The following TMEM135 variants were observed in gnomAD, a reference collection of about 807,000 sequenced individuals.
TMEM135 encodes peroxisomal membrane protein 52.
In TMEM135, 30 loss-of-function variants were observed where a neutral mutation model predicts 60.3. The observed-to-expected ratio is 0.50, with a 90% CI of 0.37 to 0.68. TMEM135 has a LOEUF of 0.68. TMEM135 is among the 30% of genes least tolerant of loss of function. The probability of loss-of-function intolerance (pLI) is 0.00; values close to 1 mark genes in which losing one functional copy is unlikely to be tolerated. For synonymous variants in TMEM135, 190 were observed against 186.7 expected, an observed-to-expected ratio of 1.02 and a Z score of -0.14; for missense variants, 468 against 548.8, an observed-to-expected ratio of 0.85 and a Z score of 1.47.
chr11:87,088,300 C>G (rs191543288), intron 3 of TMEM135, among the ~76,000 whole-genome samples: 1 of 152,140 alleles, frequency 6.6e-6, no homozygotes. Context: ...CCCTTCCAGT[C>G]AAAGCCTTGG....
At chr11:87,162,316 C>A (rs1272410323) in intron 5 of TMEM135, among the ~76,000 whole-genome samples, 1 of 151,918 alleles carries the variant, frequency 6.6e-6, no homozygotes, top group African/African-American at 2.4e-5. Flanking sequence ...TAGTTTGATG[C>A]ACCCATCAAC....
intron 4 of TMEM135, among the ~76,000 whole-genome samples, chr11:87,092,700 A>G (rs1857235530): frequency 2.5e-5 from 3 of 120,542 alleles, no homozygotes; most frequent in South Asian, 5.3e-4. Context: ...TAGAGATTTG[A>G]TAAATATTTG....
Position 87,222,533 on chromosome 11 carries a change from G to A in TMEM135, c.463-14105G>A, listed in dbSNP as rs1368740318. Among the ~76,000 whole-genome samples the A allele has an allele frequency of 1.8e-4, 27 of 151,806 alleles. 1 individual carries two copies. The highest frequency in any genetic ancestry group is 5.8e-4 in the African/African-American group (24 of 41,338). ...AAAAATAATTACTGGGCCGAGCGTGGTGGCCCACGCCTCTTATCCCAGCAC... is the reference window on the plus strand; with the variant it reads ...AAAAATAATTACTGGGCCGAGCGTGATGGCCCACGCCTCTTATCCCAGCAC... On this transcript the variant is annotated intron_variant, in intron 5 of 14. Transcript: ENST00000305494.
chr11:87,071,275 G>A (rs972746854), intron 2 of TMEM135, among the ~76,000 whole-genome samples: 1 of 152,180 alleles, frequency 6.6e-6, no homozygotes, highest in Non-Finnish European at 1.5e-5. Context: ...AAACAAAGTT[G>A]AGGATGACGC....
At chr11:87,314,954 A>G (rs558293907) in intron 12 of TMEM135, among the ~76,000 whole-genome samples, 1 of 152,004 alleles carries the variant, frequency 6.6e-6, no homozygotes, top group African/African-American at 2.4e-5. Context: ...CAAATCAACA[A>G]TACCACAGTA....
At chr11:87,309,452 C>G (rs1224073219) in intron 9 of TMEM135, 53 bp from the exon 10 acceptor site, 13 of 1,599,324 alleles carry the variant, frequency 8.1e-6, no homozygotes, top group African/African-American at 2.7e-5. Flanking sequence ...CGTATTCTAT[C>G]AAAAACTTCA....
intron 4 of TMEM135, among the ~76,000 whole-genome samples, chr11:87,127,666 C>A (rs1937774689): frequency 6.6e-6 from 1 of 152,176 alleles, no homozygotes; most frequent in Non-Finnish European, 1.5e-5. Context: ...CAGTTAAAGA[C>A]AACAGCAAGT....
At chr11:87,178,359 C>T in intron 5 of TMEM135, 1 of 454,618 alleles carries the variant, frequency 2.2e-6, no homozygotes, top group South Asian at 1.6e-5. Context: ...AATCTAAACT[C>T]TCTTTTTCTG....
intron 5 of TMEM135, among the ~76,000 whole-genome samples, chr11:87,170,084 G>T (rs1939190926): frequency 6.6e-6 from 1 of 151,482 alleles, no homozygotes; most frequent in African/African-American, 2.4e-5. Context: ...TTTGGCTATT[G>T]ATATGTGTTT....
At chr11:87,157,306 A>G in intron 4 of TMEM135, 35 bp from the exon 5 acceptor site, 2 of 1,570,652 alleles carry the variant, frequency 1.3e-6, no homozygotes, top group Non-Finnish European at 1.7e-6. Context: ...ATTGTAGATC[A>G]TATATTTTTG....
At position 87,295,833 on chromosome 11, in the gene TMEM135, A is replaced by G; in HGVS notation, c.551+10A>G. 6.2e-7 allele frequency: 1 copy of G among 1,600,638 alleles called. No homozygotes were observed. Among genetic ancestry groups the G allele is most frequent in the Non-Finnish European group, 8.5e-7 (1 of 1,169,730 alleles). On this transcript the variant is annotated intron_variant, in intron 7 of 14. Coordinates refer to ENST00000305494, the MANE Select transcript of TMEM135 (RefSeq NM_022918.4). ...CATTTTCTGCACTTAGGTAAGAAACATTTATTTTTATGTTGAGAGAGAATT... is the reference window on the plus strand; with the variant it reads ...CATTTTCTGCACTTAGGTAAGAAACGTTTATTTTTATGTTGAGAGAGAATT...
chr11:87,219,564 G>A (rs1302778551), intron 5 of TMEM135, among the ~76,000 whole-genome samples: 1 of 152,116 alleles, frequency 6.6e-6, no homozygotes, highest in African/African-American at 2.4e-5. Flanking sequence ...CTCTGGTGTT[G>A]CTTCCACTTC....
chr11:87,060,688 G>T (rs1949938144), intron 1 of TMEM135, among the ~76,000 whole-genome samples: 1 of 151,316 alleles, frequency 6.6e-6, no homozygotes, highest in Non-Finnish European at 1.5e-5. Context: ...TGTCACCCAG[G>T]CTGGATTGCA....
Position 87,327,179 on chromosome 11 carries a change from A to G in TMEM135, c.*5846A>G, listed in dbSNP as rs536551675. ...TTCATGTGACCCTGTTTTGGCCAAT[A>G]AAATGTAATGGAAAATCTGGGAAAC... On this transcript the variant is annotated 3_prime_UTR_variant, in exon 15 of 15. Transcript: ENST00000305494. 5.5e-5 allele frequency: 25 copies of G among 454,032 alleles called. No homozygotes were observed. In the East Asian group the frequency reaches 1.6e-3, roughly 29 times the overall value. 28.1% of individuals were successfully genotyped at this position (454,032 alleles called of 1,614,324 possible).
chr11:87,300,753 G>A (rs757112072), intron 7 of TMEM135, among the ~76,000 whole-genome samples: 2 of 152,174 alleles, frequency 1.3e-5, no homozygotes, highest in African/African-American at 4.8e-5. Context: ...GGTCTCACAG[G>A]CCTCACAGTT....
chr11:87,194,713 A>G (rs535847461), intron 5 of TMEM135, among the ~76,000 whole-genome samples: 56 of 151,932 alleles, frequency 3.7e-4, no homozygotes, highest in Non-Finnish European at 7.1e-4. Context: ...TTCATCTTCC[A>G]TAATTCTCTT....
intron 5 of TMEM135, among the ~76,000 whole-genome samples, chr11:87,211,518 T>C (rs1156999837): frequency 1.3e-5 from 2 of 152,178 alleles, no homozygotes; most frequent in Non-Finnish European, 2.9e-5. Context: ...TTGCAGAATT[T>C]GGTGACTTTG....
intron 5 of TMEM135, among the ~76,000 whole-genome samples, chr11:87,201,116 G>A (rs532442): frequency 0.13 from 19,995 of 151,900 alleles, 1,374 homozygotes; most frequent in Non-Finnish European, 0.15. Context: ...CTGTTTGTAC[G>A]TGAGGAAGAT....
chr11:87,109,438 C>G (rs1378146940), intron 4 of TMEM135, among the ~76,000 whole-genome samples: 1 of 152,170 alleles, frequency 6.6e-6, no homozygotes, highest in Non-Finnish European at 1.5e-5. Context: ...AATGTGGTAT[C>G]TCTGTGTCTC....
Sources: allele counts gnomAD v4.1 joint callset (sites outside exome capture counted in the v4.1 genomes callset), GRCh38; gene constraint gnomAD v4.1.1; transcripts MANE v1.5; gene names NCBI Gene and HGNC (gene_info 2026-07-23, HGNC 2026-07-21).